The following CHRM3 variants were observed in gnomAD, a reference collection of about 807,000 sequenced individuals.
CHRM3 encodes the protein cholinergic receptor muscarinic 3.
CHRM3 carries 11 observed loss-of-function variants against 41.8 expected under a neutral mutation model. The observed-to-expected ratio is 0.26, with a 90% CI of 0.17 to 0.44. CHRM3 has a LOEUF of 0.44. Among genes scored for constraint, CHRM3 ranks in the 20% least tolerant of loss-of-function variants. The pLI is 1.00. For missense variants in CHRM3, 571 were observed against 745.4 expected, an observed-to-expected ratio of 0.77 and a Z score of 2.72; for synonymous variants, 297 against 301.4, an observed-to-expected ratio of 0.99 and a Z score of 0.15.
chr1:239,835,847 G>A (rs902143596), intron 6 of CHRM3, among the ~76,000 whole-genome samples: 1 of 152,178 alleles, frequency 6.6e-6, no homozygotes, highest in African/African-American at 2.4e-5. Context: ...AACGAACATG[G>A]ACCTAAATTA....
chr1:239,835,981 AT>A (rs1673284741), intron 6 of CHRM3, among the ~76,000 whole-genome samples: 1 of 152,242 alleles, frequency 6.6e-6, no homozygotes, highest in Non-Finnish European at 1.5e-5. Flanking sequence ...TTTTGAGACG[AT>A]GGAGATACAT....
At chr1:239,456,283 T>C (rs1553304841) in intron 1 of CHRM3, among the ~76,000 whole-genome samples, 1 of 152,234 alleles carries the variant, frequency 6.6e-6, no homozygotes, top group Non-Finnish European at 1.5e-5. Flanking sequence ...CTTCCAATCC[T>C]GCAAGCTGCG....
chr1:239,547,301 C>A (rs528646521), intron 3 of CHRM3, among the ~76,000 whole-genome samples: 1 of 152,184 alleles, frequency 6.6e-6, no homozygotes. Context: ...CATTTAATTT[C>A]TCTGTGCTTT....
intron 1 of CHRM3, among the ~76,000 whole-genome samples, chr1:239,446,110 T>A (rs1664121196): frequency 6.6e-6 from 1 of 152,120 alleles, no homozygotes; most frequent in Non-Finnish European, 1.5e-5. Flanking sequence ...CTAATTTTTG[T>A]ATTTTTAGTA....
chr1:239,555,651 G>A lies in CHRM3; in HGVS notation c.-313+9902G>A, dbSNP rs1045257667. On this transcript the variant is annotated intron_variant, in intron 3 of 6. Transcript: ENST00000676153. ...TTTCCTAGGAATTTGTGCATTAACT[G>A]CCCCTTAATCTGCATGCAATTAAAA... 2.0e-5 allele frequency among the ~76,000 whole-genome samples: 3 copies of A among 152,138 alleles called. No homozygotes were observed. The South Asian group carries it at 6.2e-4, about 32-fold the overall frequency.
intron 5 of CHRM3, among the ~76,000 whole-genome samples, chr1:239,766,704 T>TATAG (rs1553262462): frequency 0.021 from 3,209 of 150,932 alleles, 126 homozygotes; most frequent in African/African-American, 0.076. Context: ...TAGATATAGA[T>TATAG]ATAGATATAG....
Position 239,586,382 on chromosome 1 carries a change from G to A in CHRM3, c.-313+40633G>A, listed in dbSNP as rs184930361. 2.3e-3 allele frequency among the ~76,000 whole-genome samples: 343 copies of A among 152,168 alleles called. 5 individuals are homozygous for A. Among genetic ancestry groups the A allele is most frequent in the Non-Finnish European group, 1.9e-4 (13 of 67,998 alleles). On this transcript the variant is annotated intron_variant, in intron 3 of 6. Transcript: ENST00000676153. ...GTCTTTATGTGAAAATTGTGGAGGT[G>A]AGCTTGGACTGCAGCCTATTTTTTT...
chr1:239,533,177 T>C (rs1049437315), intron 2 of CHRM3, among the ~76,000 whole-genome samples: 4 of 152,152 alleles, frequency 2.6e-5, no homozygotes, highest in Non-Finnish European at 2.9e-5. Flanking sequence ...GGACCCCCAT[T>C]ACTAAGCTAA....
chr1:239,870,067 G>A (rs1676445877), intron 6 of CHRM3, among the ~76,000 whole-genome samples: 1 of 152,140 alleles, frequency 6.6e-6, no homozygotes. Flanking sequence ...TCATTCCTGG[G>A]TCCTTGAAGC....
At chr1:239,485,483 T>C (rs886260489) in intron 1 of CHRM3, among the ~76,000 whole-genome samples, 2 of 152,142 alleles carry the variant, frequency 1.3e-5, no homozygotes, top group Admixed American at 6.5e-5. Context: ...AGGGTCTCAC[T>C]ATATTGCCCA....
chr1:239,717,049 T>C (rs1452228731), intron 5 of CHRM3, among the ~76,000 whole-genome samples: 1 of 151,892 alleles, frequency 6.6e-6, no homozygotes, highest in African/African-American at 2.4e-5. Flanking sequence ...CTTCCAGTTT[T>C]TTTTTTTGCA....
intron 6 of CHRM3, among the ~76,000 whole-genome samples, chr1:239,859,134 G>C (rs1189046046): frequency 6.6e-6 from 1 of 152,156 alleles, no homozygotes; most frequent in Non-Finnish European, 1.5e-5. Context: ...GGGTCATGTG[G>C]TAATTCTACG....
chr1:239,492,920 A>T (rs1437890538), intron 2 of CHRM3, 113 bp downstream of exon 2: 1 of 152,146 alleles, frequency 6.6e-6, no homozygotes, highest in East Asian at 1.9e-4. Context: ...ATTTGTCCAA[A>T]ATTCATCTGA....
chr1:239,746,595 T>C (rs1665377527), intron 5 of CHRM3, among the ~76,000 whole-genome samples: 1 of 152,202 alleles, frequency 6.6e-6, no homozygotes, highest in African/African-American at 2.4e-5. Flanking sequence ...ATTTATCTCA[T>C]TAACAAATGT....
intron 3 of CHRM3, among the ~76,000 whole-genome samples, chr1:239,581,742 G>T (rs1032929602): frequency 6.6e-6 from 1 of 152,124 alleles, no homozygotes; most frequent in Non-Finnish European, 1.5e-5. Flanking sequence ...ATGAATATGA[G>T]TCTTAGAAGA....
intron 4 of CHRM3, among the ~76,000 whole-genome samples, chr1:239,636,409 G>A (rs1450555689): frequency 6.6e-6 from 1 of 152,118 alleles, no homozygotes; most frequent in Admixed American, 6.6e-5. Flanking sequence ...GTCTTCAAGG[G>A]AATTGTCACA....
intron 3 of CHRM3, among the ~76,000 whole-genome samples, chr1:239,612,337 G>A (rs1667167740): frequency 6.6e-6 from 1 of 152,112 alleles, no homozygotes; most frequent in Non-Finnish European, 1.5e-5. Context: ...CTGCTATGTA[G>A]CTGAAATGTG....
At chr1:239,407,177 G>T (rs1007984210) in intron 1 of CHRM3, among the ~76,000 whole-genome samples, 3 of 151,982 alleles carry the variant, frequency 2.0e-5, no homozygotes, top group African/African-American at 7.2e-5. Flanking sequence ...TATATAGCTT[G>T]CTTTTTCACT....
intron 6 of CHRM3, among the ~76,000 whole-genome samples, chr1:239,831,471 T>C (rs1327516107): frequency 6.6e-6 from 1 of 152,174 alleles, no homozygotes; most frequent in African/African-American, 2.4e-5. Flanking sequence ...CTTTGACTTG[T>C]TTAATACATT....
Sources: gnomAD v4.1 joint callset for allele counts (sites outside exome capture counted in the v4.1 genomes callset) on GRCh38, gnomAD v4.1.1 for gene constraint, MANE v1.5 for transcripts, NCBI Gene and HGNC (gene_info 2026-07-23, HGNC 2026-07-21) for gene names.